The following GLIS1 variants were observed in gnomAD, a reference collection of about 807,000 sequenced individuals.
The protein encoded by GLIS1 is GLIS family zinc finger 1.
In GLIS1, 24 loss-of-function variants were observed where a neutral mutation model predicts 63.8. The ratio of observed to expected loss-of-function variants is 0.38; its 90% confidence interval spans 0.27 to 0.53. The LOEUF (loss-of-function observed/expected upper bound fraction) is 0.53, where lower values mean the gene tolerates loss of function less well. GLIS1 is among the 20% of genes least tolerant of loss of function. GLIS1 has a pLI of 0.85. For synonymous variants in GLIS1, 450 were observed against 482.5 expected, an observed-to-expected ratio of 0.93 and a Z score of 0.88; for missense variants, 1,036 against 1,074.1, an observed-to-expected ratio of 0.96 and a Z score of 0.50.
intron 3 of GLIS1, among the ~76,000 whole-genome samples, chr1:53,595,988 G>T (rs967272232): frequency 6.6e-6 from 1 of 152,234 alleles, no homozygotes; most frequent in Non-Finnish European, 1.5e-5. Context: ...GTGGGTTTGA[G>T]ATCAGGCTCA....
chr1:53,693,061 C>T (rs1646424481), intron 2 of GLIS1, among the ~76,000 whole-genome samples: 1 of 152,202 alleles, frequency 6.6e-6, no homozygotes, highest in Non-Finnish European at 1.5e-5. Context: ...TGTGAGGGTG[C>T]TTCGTCGAGA....
chr1:53,699,340 A>G (rs1262125748), intron 2 of GLIS1, among the ~76,000 whole-genome samples: 1 of 152,166 alleles, frequency 6.6e-6, no homozygotes, highest in African/African-American at 2.4e-5. Context: ...CTGAGATTAC[A>G]GGCGTGAGCC....
chr1:53,665,888 G>A (rs1646086468), intron 2 of GLIS1, among the ~76,000 whole-genome samples: 2 of 152,174 alleles, frequency 1.3e-5, no homozygotes, highest in South Asian at 4.1e-4. Context: ...GAACGCCCTG[G>A]GGACCTTAAT....
At chr1:53,544,853 G>A (rs1644681823) in intron 4 of GLIS1, among the ~76,000 whole-genome samples, 2 of 152,182 alleles carry the variant, frequency 1.3e-5, no homozygotes, top group African/African-American at 4.8e-5. Context: ...CCCTAGCCCA[G>A]GGGTAAATGC....
intron 2 of GLIS1, among the ~76,000 whole-genome samples, chr1:53,709,655 T>C (rs564580730): frequency 1.3e-5 from 2 of 152,218 alleles, no homozygotes; most frequent in South Asian, 4.1e-4. Context: ...TAAAGGAAAG[T>C]CAGGGTGTTG....
intron 4 of GLIS1, among the ~76,000 whole-genome samples, chr1:53,533,125 A>G (rs1049201855): frequency 3.9e-5 from 6 of 152,034 alleles, no homozygotes; most frequent in Middle Eastern, 3.2e-3. Flanking sequence ...CCTTTCCTTT[A>G]TTTGCTCTTT....
intron 2 of GLIS1, among the ~76,000 whole-genome samples, chr1:53,613,099 G>A (rs1423791007): frequency 5.3e-5 from 8 of 152,172 alleles, no homozygotes; most frequent in Non-Finnish European, 1.0e-4. Context: ...GATTACAGGC[G>A]TGAGCCCAGC....
At chr1:53,626,968 G>A (rs1645600867) in intron 2 of GLIS1, among the ~76,000 whole-genome samples, 1 of 152,246 alleles carries the variant, frequency 6.6e-6, no homozygotes, top group Admixed American at 6.5e-5. Context: ...TTTGTAAACT[G>A]TAGAGCACTG....
chr1:53,665,133 A>G (rs1208908733), intron 2 of GLIS1, among the ~76,000 whole-genome samples: 3 of 152,190 alleles, frequency 2.0e-5, no homozygotes, highest in Non-Finnish European at 2.9e-5. Flanking sequence ...CCAAGCAAGA[A>G]TGGTGCTAGC....
chr1:53,514,194 C>T (rs1473398497), intron 8 of GLIS1, among the ~76,000 whole-genome samples: 1 of 152,166 alleles, frequency 6.6e-6, no homozygotes, highest in African/African-American at 2.4e-5. Flanking sequence ...TGGAGGTGGG[C>T]GTGGGGCCCA....
intron 7 of GLIS1, among the ~76,000 whole-genome samples, chr1:53,520,386 C>T (rs1644395197): frequency 6.6e-6 from 1 of 152,220 alleles, no homozygotes; most frequent in Admixed American, 6.5e-5. Flanking sequence ...GTGAGGGCTT[C>T]ATGCCCTGAG....
chr1:53,540,278 C>T (rs1457993874), intron 4 of GLIS1, among the ~76,000 whole-genome samples: 2 of 152,188 alleles, frequency 1.3e-5, no homozygotes, highest in African/African-American at 2.4e-5. Context: ...TGGTGCAGTG[C>T]CTCACCATAA....
At chr1:53,723,172 C>T (rs1450046262) in intron 2 of GLIS1, among the ~76,000 whole-genome samples, 2 of 150,200 alleles carry the variant, frequency 1.3e-5, no homozygotes, top group East Asian at 2.0e-4. Context: ...TGAATCTTTA[C>T]AAAGAATGTT....
intron 2 of GLIS1, among the ~76,000 whole-genome samples, chr1:53,703,191 T>C (rs1405957309): frequency 1.3e-5 from 2 of 152,252 alleles, no homozygotes; most frequent in Admixed American, 6.5e-5. Context: ...GCATTTTCTA[T>C]GTGTTAACCC....
At chr1:53,553,337 GA>G (rs955892637) in intron 4 of GLIS1, among the ~76,000 whole-genome samples, 98 of 147,442 alleles carry the variant, frequency 6.6e-4, no homozygotes, top group African/African-American at 1.9e-3. Context: ...TCCCTCATGA[GA>G]AAAAAAAAAG....
chr1:53,566,392 C>A lies in GLIS1; in HGVS notation c.1320+27716G>T, dbSNP rs541741130. On this transcript the variant is annotated intron_variant, in intron 4 of 10. Coordinates refer to ENST00000628545, the MANE Select transcript of GLIS1 (RefSeq NM_001367484.1). ...CTAATAAGCAATTATAGCAAGGTTG[C>A]AAGATACAAGGTTAGTATATAAAAA... Among the ~76,000 whole-genome samples the A allele has an allele frequency of 5.9e-5, 9 of 152,180 alleles. No individual in the cohort carries two copies. The South Asian group carries it at 1.9e-3, about 32-fold the overall frequency.
chr1:53,669,886 G>A (rs550829337), intron 2 of GLIS1, among the ~76,000 whole-genome samples: 2 of 152,212 alleles, frequency 1.3e-5, no homozygotes, highest in Admixed American at 6.5e-5. Context: ...AGCAGAGGGT[G>A]GGGGAACTGC....
intron 7 of GLIS1, among the ~76,000 whole-genome samples, chr1:53,520,402 G>T (rs1380548357): frequency 6.6e-6 from 1 of 152,254 alleles, no homozygotes; most frequent in Non-Finnish European, 1.5e-5. Flanking sequence ...CTGAGCAATG[G>T]GGAGCCACAG....
chr1:53,522,116 A>C (rs1449864167), intron 6 of GLIS1, among the ~76,000 whole-genome samples: 1 of 152,260 alleles, frequency 6.6e-6, no homozygotes. Context: ...GTTTCTGGCA[A>C]AAGAGAGCCA....
Sources: allele counts gnomAD v4.1 joint callset (sites outside exome capture counted in the v4.1 genomes callset), GRCh38; gene constraint gnomAD v4.1.1; transcripts MANE v1.5; gene names NCBI Gene and HGNC (gene_info 2026-07-23, HGNC 2026-07-21).